ARHGEF28: variants seen among roughly 807,000 people sequenced by gnomAD.
ARHGEF28 encodes 190 kDa guanine nucleotide exchange factor.
In ARHGEF28, 152 loss-of-function variants were observed where a neutral mutation model predicts 206.6. That is an observed-to-expected ratio of 0.74 (90% confidence interval 0.64 to 0.84). The LOEUF (loss-of-function observed/expected upper bound fraction) is 0.84, where lower values mean the gene tolerates loss of function less well. ARHGEF28 is among the 40% of genes least tolerant of loss of function. The probability of loss-of-function intolerance (pLI) is 0.00; values close to 1 mark genes in which losing one functional copy is unlikely to be tolerated. For missense variants in ARHGEF28, 2,028 were observed against 2,073.2 expected (o/e 0.98, Z 0.42); for synonymous variants, 763 against 776.4 (o/e 0.98, Z 0.29).
At chr5:73,740,092 C>A (rs1287160765) in intron 2 of ARHGEF28, among the ~76,000 whole-genome samples, 1 of 148,772 alleles carries the variant, frequency 6.7e-6, no homozygotes, top group Admixed American at 6.7e-5. Flanking sequence ...TGGGAGGATC[C>A]CTTGAGCCTA....
At chr5:73,876,914 A>G (rs572045517) in intron 22 of ARHGEF28, among the ~76,000 whole-genome samples, 29 of 147,124 alleles carry the variant, frequency 2.0e-4, no homozygotes, top group African/African-American at 6.1e-4. Context: ...AGGCTTTGGT[A>G]TCAGGATGAT....
intron 6 of ARHGEF28, among the ~76,000 whole-genome samples, chr5:73,777,249 CTT>C (rs202212967): frequency 1.4e-5 from 2 of 147,442 alleles, no homozygotes; most frequent in East Asian, 2.0e-4. Context: ...CTTTATCTCT[CTT>C]TTTTTTTTTG....
rs544103503 is a variant in ARHGEF28, at chr5:73,873,260, A to T, written c.2814+14A>T. ...TTGGTACAACAGGTAAGAAGAGCTTAAAGTCCTTGACCTTTATGACGTAAG... is the reference window on the plus strand; with the variant it reads ...TTGGTACAACAGGTAAGAAGAGCTTTAAGTCCTTGACCTTTATGACGTAAG... On this transcript the variant is annotated intron_variant, in intron 22 of 35. Transcript: ENST00000513042. 40 of 1,602,812 alleles carry T rather than the reference A, an allele frequency of 2.5e-5. No homozygotes were observed. The highest frequency in any genetic ancestry group is 2.5e-5 in the Non-Finnish European group (29 of 1,172,584).
intron 1 of ARHGEF28, among the ~76,000 whole-genome samples, chr5:73,643,866 T>C (rs146237705): frequency 6.6e-6 from 1 of 152,028 alleles, no homozygotes; most frequent in East Asian, 1.9e-4. Flanking sequence ...ACGATTACCA[T>C]GCATTTTATT....
intron 16 of ARHGEF28, among the ~76,000 whole-genome samples, chr5:73,863,803 G>A (rs1425158631): frequency 6.6e-6 from 1 of 151,796 alleles, no homozygotes; most frequent in Non-Finnish European, 1.5e-5. Context: ...ATGAGGAGAG[G>A]GCTGTCTGAA....
Position 73,753,215 on chromosome 5 carries a change from CAGAAAA to C in ARHGEF28, c.475+14_475+19del, listed in dbSNP as rs1752116492. The C allele has an allele frequency of 6.6e-7, 1 of 1,515,720 alleles. No individual in the cohort carries two copies. Among genetic ancestry groups the C allele is most frequent in the African/African-American group, 1.4e-5 (1 of 71,604 alleles). 93.9% of individuals were successfully genotyped at this position (1,515,720 alleles called of 1,614,324 possible). A position where few individuals can be genotyped will look rare whatever the true frequency, so the allele number is the denominator to read the frequency against. On this transcript the variant is annotated intron_variant, in intron 4 of 35. Coordinates refer to ENST00000513042, the MANE Select transcript of ARHGEF28 (RefSeq NM_001177693.2). ...TCTTCACTTGAAGGTGGGTCATCAC[CAGAAAA>C]TTCAGATATCCCCTCTGTGTGTCAA...
chr5:73,796,177 G>T (rs1279821970), intron 9 of ARHGEF28, among the ~76,000 whole-genome samples: 2 of 152,210 alleles, frequency 1.3e-5, no homozygotes, highest in Non-Finnish European at 2.9e-5. Context: ...GCTATCAGCA[G>T]AGGCTGAGTT....
Position 73,873,181 on chromosome 5 carries a change from G to A in ARHGEF28, c.2749G>A (p.Glu917Lys), listed in dbSNP as rs1760220838. The A allele has an allele frequency of 2.5e-6, 4 of 1,612,218 alleles. No individual in the cohort carries two copies. The highest frequency in any genetic ancestry group is 1.1e-5 in the South Asian group (1 of 90,550). Residue 917 changes from glutamate (E) to lysine (K), a missense_variant, in exon 22 of 36, where the codon GAA (glutamate) becomes AAA (lysine). Physicochemically the swap from Glu to Lys is moderately conservative, Grantham distance 56 (BLOSUM62 1). Coordinates refer to ENST00000513042, the MANE Select transcript of ARHGEF28 (RefSeq NM_001177693.2). Reference sequence around the variant, plus strand: ...CTACAGTATGAAGGAACGAAGGCAGGAATCCTGTGCTGGCAGCGACAGGAA... The same window carrying A: ...CTACAGTATGAAGGAACGAAGGCAGAAATCCTGTGCTGGCAGCGACAGGAA... Reference protein sequence around the residue: ...FFYSMKERRQESCAGSDRNFV... With the variant: ...FFYSMKERRQKSCAGSDRNFV...
intron 9 of ARHGEF28, among the ~76,000 whole-genome samples, chr5:73,810,519 C>A (rs1259659041): frequency 6.6e-6 from 1 of 152,058 alleles, no homozygotes; most frequent in African/African-American, 2.4e-5. Context: ...CTGGTAGTCA[C>A]GGGAGGAACA....
intron 14 of ARHGEF28, among the ~76,000 whole-genome samples, chr5:73,853,124 G>A (rs1758803762): frequency 6.6e-6 from 1 of 152,166 alleles, no homozygotes; most frequent in Non-Finnish European, 1.5e-5. Context: ...CCCTTCAGCT[G>A]GAAACAAAGA....
intron 2 of ARHGEF28, among the ~76,000 whole-genome samples, chr5:73,748,813 G>C (rs181328077): frequency 6.6e-6 from 1 of 152,322 alleles, no homozygotes; most frequent in East Asian, 1.9e-4. Flanking sequence ...TCTCTCTGGA[G>C]GCCCCACTTT....
At chr5:73,936,880 T>G (rs113576369) in intron 35 of ARHGEF28, among the ~76,000 whole-genome samples, 2,478 of 152,280 alleles carry the variant, frequency 0.016, 68 homozygotes, top group African/African-American at 0.057. Context: ...TTTGTTCATT[T>G]TAAATATGAC....
intron 35 of ARHGEF28, among the ~76,000 whole-genome samples, chr5:73,914,731 G>T (rs1384850030): frequency 6.6e-6 from 1 of 151,270 alleles, no homozygotes; most frequent in African/African-American, 2.4e-5. Flanking sequence ...GTTTTGAGCT[G>T]TACTTTTTTT....
rs765046950 is a variant in ARHGEF28, at chr5:73,901,174, G to A, written c.3974-10G>A. 38 of 1,610,762 alleles carry A rather than the reference G, an allele frequency of 2.4e-5. No homozygotes were observed. The highest frequency in any genetic ancestry group is 1.1e-4 in the African/African-American group (8 of 74,868). On this transcript the variant is annotated splice_polypyrimidine_tract_variant and intron_variant, in intron 30 of 35. Transcript: ENST00000513042. ...TCCTTTTTGTTTCTGTCTCGATGGC[G>A]TGCTTCCAGCATTAGTCACAGGAGG...
intron 2 of ARHGEF28, among the ~76,000 whole-genome samples, chr5:73,716,200 T>A (rs1021453782): frequency 6.6e-6 from 1 of 152,190 alleles, no homozygotes; most frequent in Admixed American, 6.5e-5. Context: ...ACCTAACCAG[T>A]CATGATTCTG....
intron 2 of ARHGEF28, among the ~76,000 whole-genome samples, chr5:73,705,682 G>A (rs1748887036): frequency 6.6e-6 from 1 of 152,210 alleles, no homozygotes; most frequent in South Asian, 2.1e-4. Flanking sequence ...AGGGCAGCCT[G>A]CTGAAGGAGT....
intron 1 of ARHGEF28, among the ~76,000 whole-genome samples, chr5:73,679,225 A>T (rs1561328315): frequency 1.3e-5 from 2 of 152,298 alleles, no homozygotes; most frequent in South Asian, 4.1e-4. Context: ...ACTTTAAATG[A>T]TTTTTTTGCA....
intron 4 of ARHGEF28, among the ~76,000 whole-genome samples, chr5:73,768,880 G>T (rs761666071): frequency 2.0e-5 from 3 of 152,036 alleles, no homozygotes; most frequent in Non-Finnish European, 1.5e-5. Context: ...AACCTGGTAA[G>T]AGGTGATTGA....
chr5:73,767,836 G>A (rs762760425), intron 4 of ARHGEF28, among the ~76,000 whole-genome samples: 4 of 152,186 alleles, frequency 2.6e-5, no homozygotes, highest in Admixed American at 6.5e-5. Context: ...GCATGTCAGA[G>A]GGCTTCATGG....
Sources: gnomAD v4.1 joint callset for allele counts (sites outside exome capture counted in the v4.1 genomes callset) on GRCh38, gnomAD v4.1.1 for gene constraint, MANE v1.5 for transcripts, NCBI Gene and HGNC (gene_info 2026-07-23, HGNC 2026-07-21) for gene names.